The following EXD1 variants were observed in gnomAD, a reference collection of about 807,000 sequenced individuals.
EXD1 encodes piRNA biogenesis protein EXD1.
EXD1 carries 63 observed loss-of-function variants against 49.1 expected under a neutral mutation model. The observed-to-expected ratio is 1.28, with a 90% CI of 1.05 to 1.58. The LOEUF is 1.58. Among genes scored for constraint, EXD1 ranks in the 40% most tolerant of loss-of-function variants. EXD1 has a pLI of 0.00. For synonymous variants in EXD1, 234 were observed against 239.2 expected, an observed-to-expected ratio of 0.98 and a Z score of 0.20; for missense variants, 748 against 666.0, an observed-to-expected ratio of 1.12 and a Z score of -1.36.
At chr15:41,220,901 C>T (rs181431517) in intron 2 of EXD1, among the ~76,000 whole-genome samples, 14 of 152,136 alleles carry the variant, frequency 9.2e-5, no homozygotes, top group Non-Finnish European at 8.8e-5. Flanking sequence ...CTGCAACCTT[C>T]GACAATACTG....
chr15:41,215,208 C>T (rs1256879087), intron 6 of EXD1, among the ~76,000 whole-genome samples: 1 of 152,184 alleles, frequency 6.6e-6, no homozygotes, highest in Non-Finnish European at 1.5e-5. Context: ...CCAGCACTTA[C>T]TGCCATCTAA....
intron 2 of EXD1, among the ~76,000 whole-genome samples, 172 bp from the exon 3 acceptor site, chr15:41,220,070 G>T (rs1402253554): frequency 6.7e-6 from 1 of 149,794 alleles, no homozygotes; most frequent in Non-Finnish European, 1.5e-5. Context: ...AAATGACAAA[G>T]CTACGACCTT....
chr15:41,217,529 C>CTTTTT lies in EXD1; in HGVS notation c.203-380_203-376dup, dbSNP rs3033817. On this transcript the variant is annotated intron_variant, in intron 3 of 11. Coordinates refer to ENST00000458580, the MANE Select transcript of EXD1 (RefSeq NM_001286441.2). ...ACATGGGTGCTGTTTGAGGGTTTTC[C>CTTTTT]TTTTTTTTTTTTTTTTTTTGAGATG... is the stretch of plus-strand genomic sequence containing the variant. 8.3e-4 allele frequency among the ~76,000 whole-genome samples: 105 copies of CTTTTT among 127,114 alleles called. 2 individuals carry two copies. The highest frequency in any genetic ancestry group is 2.4e-3 in the African/African-American group (76 of 31,612). 83.4% of individuals were successfully genotyped at this position (127,114 alleles called of 152,430 possible). A position where few individuals can be genotyped will look rare whatever the true frequency, so the allele number is the denominator to read the frequency against.
chr15:41,228,190 G>GT (rs1384139419), intron 1 of EXD1, among the ~76,000 whole-genome samples: 1 of 152,068 alleles, frequency 6.6e-6, no homozygotes, highest in Non-Finnish European at 1.5e-5. Flanking sequence ...TTCTTCTATA[G>GT]TTTTTTAAAT....
At chr15:41,199,905 T>C (rs914837129) in intron 7 of EXD1, among the ~76,000 whole-genome samples, 19 of 145,586 alleles carry the variant, frequency 1.3e-4, no homozygotes, top group Non-Finnish European at 2.4e-4. Context: ...ATAATATATA[T>C]ACAGATATAT....
intron 11 of EXD1, among the ~76,000 whole-genome samples, chr15:41,185,437 C>T (rs1371700346): frequency 1.3e-5 from 2 of 151,968 alleles, no homozygotes; most frequent in African/African-American, 4.8e-5. Flanking sequence ...CCTATAACAC[C>T]TGGCCTTTAG....
At chr15:41,202,826 G>A (rs1335748312) in intron 7 of EXD1, among the ~76,000 whole-genome samples, 4 of 151,084 alleles carry the variant, frequency 2.6e-5, no homozygotes, top group Non-Finnish European at 4.4e-5. Flanking sequence ...GCTGAGGCGC[G>A]AGAATCGCTG....
chr15:41,190,819 G>A (rs570928418), intron 10 of EXD1, among the ~76,000 whole-genome samples: 8 of 152,254 alleles, frequency 5.3e-5, no homozygotes, highest in Non-Finnish European at 1.0e-4. Context: ...GGTGATTTTG[G>A]TTCCATTGCC....
intron 11 of EXD1, among the ~76,000 whole-genome samples, chr15:41,185,263 A>AT (rs66575148): frequency 0.97 from 147,933 of 152,202 alleles, 72,031 homozygotes; most frequent in East Asian, 1. Context: ...TCATATACAT[A>AT]TTTTTTCATT....
At position 41,230,682 on chromosome 15, in the gene EXD1, C is replaced by T; in HGVS notation, c.-257G>A. Reference sequence around the variant, plus strand: ...GGTTATCAAATCACAGGCTGAAAACCTGGAGAAAGGTCCGCGACGCCGGGG... The same window carrying T: ...GGTTATCAAATCACAGGCTGAAAACTTGGAGAAAGGTCCGCGACGCCGGGG... On this transcript the variant is annotated 5_prime_UTR_variant, in exon 1 of 12. Coordinates refer to ENST00000458580, the MANE Select transcript of EXD1 (RefSeq NM_001286441.2). 1 of 937,522 alleles carries T rather than the reference C, an allele frequency of 1.1e-6. No individual in the cohort carries two copies. Among genetic ancestry groups the T allele is most frequent in the Non-Finnish European group, 1.6e-6 (1 of 628,730 alleles). The allele number at this position is 937,522 out of a possible 1,614,324, so 58.1% of individuals were successfully genotyped here. A position where few individuals can be genotyped will look rare whatever the true frequency, so the allele number is the denominator to read the frequency against.
intron 3 of EXD1, 101 bp from the exon 4 acceptor site, chr15:41,217,255 A>G (rs2047014341): frequency 1.1e-6 from 1 of 923,260 alleles, no homozygotes; most frequent in South Asian, 1.5e-5. Flanking sequence ...ACTGCAAACA[A>G]TAATTGGAAA....
At chr15:41,222,660 T>C (rs2047107290) in intron 2 of EXD1, among the ~76,000 whole-genome samples, 1 of 146,228 alleles carries the variant, frequency 6.8e-6, no homozygotes, top group Non-Finnish European at 1.5e-5. Flanking sequence ...TTTTTTTTGC[T>C]GGACGCGGTG....
At chr15:41,229,200 G>A (rs1401102698) in intron 1 of EXD1, among the ~76,000 whole-genome samples, 1 of 152,134 alleles carries the variant, frequency 6.6e-6, no homozygotes, top group Non-Finnish European at 1.5e-5. Context: ...CTCTAAGGCC[G>A]GGCACGGGGA....
intron 2 of EXD1, among the ~76,000 whole-genome samples, chr15:41,225,842 G>A (rs977848943): frequency 1.8e-4 from 28 of 151,464 alleles, no homozygotes; most frequent in Non-Finnish European, 3.2e-4. Flanking sequence ...GAGCTATCAC[G>A]CCACTGCACT....
chr15:41,227,972 C>T (rs1433385156), intron 1 of EXD1, among the ~76,000 whole-genome samples: 3 of 152,068 alleles, frequency 2.0e-5, no homozygotes, highest in Non-Finnish European at 4.4e-5. Context: ...ATCACTTGAA[C>T]CCAGGAGGTG....
intron 11 of EXD1, among the ~76,000 whole-genome samples, chr15:41,185,684 C>T (rs943669078): frequency 6.6e-6 from 1 of 151,996 alleles, no homozygotes; most frequent in Non-Finnish European, 1.5e-5. Flanking sequence ...CCACGCCTGG[C>T]TAATATTTAA....
intron 7 of EXD1, among the ~76,000 whole-genome samples, chr15:41,209,244 C>T (rs770170962): frequency 6.6e-6 from 1 of 152,012 alleles, no homozygotes; most frequent in African/African-American, 2.4e-5. Context: ...GGCAACACAG[C>T]AAGACCCCAT....
intron 7 of EXD1, among the ~76,000 whole-genome samples, chr15:41,208,666 C>T (rs1228635582): frequency 2.0e-5 from 3 of 151,996 alleles, no homozygotes; most frequent in South Asian, 4.2e-4. Flanking sequence ...GCAGGAGAAC[C>T]GCTTGAACCC....
At chr15:41,201,724 G>A (rs934521032) in intron 7 of EXD1, among the ~76,000 whole-genome samples, 1 of 152,068 alleles carries the variant, frequency 6.6e-6, no homozygotes, top group Non-Finnish European at 1.5e-5. Context: ...CCCTGACCTC[G>A]TGATCCGCCT....
Sources: gnomAD v4.1 joint callset for allele counts (sites outside exome capture counted in the v4.1 genomes callset) on GRCh38, gnomAD v4.1.1 for gene constraint, MANE v1.5 for transcripts, NCBI Gene and HGNC (gene_info 2026-07-23, HGNC 2026-07-21) for gene names.